MARCHF1: variants seen among roughly 807,000 people sequenced by gnomAD.
MARCHF1 encodes E3 ubiquitin-protein ligase MARCHF1.
Under a neutral mutation model 54.2 loss-of-function variants are expected in MARCHF1, and 40 were observed. The ratio of observed to expected loss-of-function variants is 0.74; its 90% confidence interval spans 0.57 to 0.96. MARCHF1 has a LOEUF of 0.96. Ranked by LOEUF, MARCHF1 falls within the 40% of genes least tolerant of loss-of-function variation. The probability of loss-of-function intolerance (pLI) is 0.00; values close to 1 mark genes in which losing one functional copy is unlikely to be tolerated. For missense variants in MARCHF1, 586 were observed against 656.5 expected (o/e 0.89, Z 1.17); for synonymous variants, 236 against 236.3 (o/e 1.00, Z 0.01).
intron 1 of MARCHF1, chr4:164,196,914 G>T (rs35028495): frequency 0.25 from 367,845 of 1,477,332 alleles, 49,012 homozygotes; most frequent in Non-Finnish European, 0.28. Context: ...GGAGGGGGGA[G>T]GGGATATGGG....
At chr4:163,921,355 C>T (rs999353779) in intron 3 of MARCHF1, among the ~76,000 whole-genome samples, 1 of 150,318 alleles carries the variant, frequency 6.7e-6, no homozygotes, top group Non-Finnish European at 1.5e-5. Flanking sequence ...GAGCCTATGT[C>T]AGGAATCATT....
chr4:163,633,699 C>G (rs1469846620), intron 5 of MARCHF1, among the ~76,000 whole-genome samples: 1 of 152,106 alleles, frequency 6.6e-6, no homozygotes, highest in African/African-American at 2.4e-5. Context: ...AGAACTTCCC[C>G]AATCTAGCAA....
At chr4:164,141,393 C>A (rs2110860701) in intron 1 of MARCHF1, among the ~76,000 whole-genome samples, 2 of 152,304 alleles carry the variant, frequency 1.3e-5, no homozygotes, top group Middle Eastern at 6.8e-3. Flanking sequence ...CTTTAGACAA[C>A]TACTTACAAA....
chr4:164,098,020 C>T (rs1337689014), intron 2 of MARCHF1, among the ~76,000 whole-genome samples: 1 of 152,122 alleles, frequency 6.6e-6, no homozygotes, highest in Non-Finnish European at 1.5e-5. Context: ...TGATTATGGG[C>T]ACTAGCTTCT....
At chr4:164,050,793 C>G (rs7693531) in intron 2 of MARCHF1, among the ~76,000 whole-genome samples, 1 of 151,850 alleles carries the variant, frequency 6.6e-6, no homozygotes, top group Non-Finnish European at 1.5e-5. Flanking sequence ...ATTAGACGGG[C>G]GTGGTGGTGC....
At chr4:164,177,806 G>GAGACACAC (rs148681185) in intron 1 of MARCHF1, among the ~76,000 whole-genome samples, 3,388 of 149,262 alleles carry the variant, frequency 0.023, 67 homozygotes, top group African/African-American at 0.053. Flanking sequence ...GTATGAAAGA[G>GAGACACAC]ACACACACAC....
chr4:163,777,422 G>A (rs1037583189), intron 4 of MARCHF1, among the ~76,000 whole-genome samples: 1 of 152,060 alleles, frequency 6.6e-6, no homozygotes, highest in African/African-American at 2.4e-5. Context: ...TGTGACTTTT[G>A]CAGATATTTT....
Position 163,612,500 on chromosome 4 carries a change from G to T in MARCHF1, c.781C>A (p.His261Asn). 6.5e-7 allele frequency: 1 copy of T among 1,535,150 alleles called. No individual in the cohort carries two copies. Among genetic ancestry groups the T allele is most frequent in the Non-Finnish European group, 8.7e-7 (1 of 1,146,444 alleles). The change falls in exon 7 of 10, where the codon CAT becomes AAT. Residue 261 changes from histidine (H) to asparagine (N), a missense_variant. His to Asn is a moderately conservative substitution (Grantham distance 68). Coordinates refer to ENST00000514618, the MANE Select transcript of MARCHF1 (RefSeq NM_001394959.1). ...TGATATCTGCCTTTGCTCTTCTCAT[G>T]ATTCCTTGAGGATCTCTTAATTTCA... Reference protein sequence around the residue: ...SSEIKRSSRNHEKSKGRYHHR... With the variant: ...SSEIKRSSRNNEKSKGRYHHR...
intron 8 of MARCHF1, among the ~76,000 whole-genome samples, chr4:163,577,499 A>AGAG (rs1470177945): frequency 7.9e-5 from 12 of 151,976 alleles, no homozygotes; most frequent in Admixed American, 6.6e-5. Flanking sequence ...CTTTTTCTCT[A>AGAG]GCTGCCTTTA....
rs143296797 is a variant in MARCHF1 at position 163,676,346 on chromosome 4, A to T, written c.162+24467T>A. 5.3e-3 allele frequency among the ~76,000 whole-genome samples: 794 copies of T among 150,610 alleles called. 6 individuals are homozygous for T. The highest frequency in any genetic ancestry group is 0.019 in the African/African-American group (763 of 40,308). The stretch of plus-strand genomic sequence containing the variant: ...CACTCCAGCCTGGGCAACAAGAGCA[A>T]AACTCTGTCTCAAAAAAAAAAAAAA... On this transcript the variant is annotated intron_variant, in intron 5 of 9. Transcript: ENST00000514618.
intron 4 of MARCHF1, among the ~76,000 whole-genome samples, chr4:163,756,686 A>G (rs2320903): frequency 0.046 from 6,932 of 151,116 alleles, 410 homozygotes; most frequent in African/African-American, 0.13. Flanking sequence ...GAGCAGGAGA[A>G]AAACAATATT....
chr4:163,567,898 T>C (rs942715597), intron 8 of MARCHF1, among the ~76,000 whole-genome samples: 2 of 152,116 alleles, frequency 1.3e-5, no homozygotes, highest in African/African-American at 4.8e-5. Context: ...CATCTAGAAT[T>C]TCACTGTATG....
At chr4:163,698,984 A>G (rs187661745) in intron 5 of MARCHF1, among the ~76,000 whole-genome samples, 3 of 152,292 alleles carry the variant, frequency 2.0e-5, no homozygotes, top group Admixed American at 2.0e-4. Context: ...TGATATTATC[A>G]TCATCCTTAT....
At chr4:163,736,026 T>C (rs1301194019) in intron 4 of MARCHF1, among the ~76,000 whole-genome samples, 1 of 152,124 alleles carries the variant, frequency 6.6e-6, no homozygotes, top group Non-Finnish European at 1.5e-5. Context: ...ACAGTAATAA[T>C]AAAATAGAAC....
At chr4:163,929,848 T>C (rs1454714978) in intron 3 of MARCHF1, among the ~76,000 whole-genome samples, 1 of 147,098 alleles carries the variant, frequency 6.8e-6, no homozygotes, top group Non-Finnish European at 1.5e-5. Flanking sequence ...GGTAATATAA[T>C]ATATTGTTTA....
chr4:163,860,217 T>G (rs905221969), intron 3 of MARCHF1, among the ~76,000 whole-genome samples: 2 of 152,134 alleles, frequency 1.3e-5, no homozygotes, highest in Non-Finnish European at 2.9e-5. Flanking sequence ...GGGTAGAAAT[T>G]CTTAAGCTGT....
intron 1 of MARCHF1, among the ~76,000 whole-genome samples, chr4:164,296,988 C>G (rs1337432149): frequency 6.6e-6 from 1 of 152,192 alleles, no homozygotes; most frequent in African/African-American, 2.4e-5. Context: ...TGCCCTTGCT[C>G]TGTGTGACAA....
chr4:164,101,130 T>C (rs1183448350), intron 2 of MARCHF1, among the ~76,000 whole-genome samples: 1 of 152,214 alleles, frequency 6.6e-6, no homozygotes, highest in East Asian at 1.9e-4. Context: ...GGAGTCTTGC[T>C]GATTGCTAGC....
chr4:164,136,215 G>A (rs1756398762), intron 1 of MARCHF1, among the ~76,000 whole-genome samples: 1 of 145,340 alleles, frequency 6.9e-6, no homozygotes, highest in African/African-American at 2.5e-5. Flanking sequence ...CACAGCAAGA[G>A]TGCCTTTGTA....
Sources: allele counts gnomAD v4.1 joint callset (sites outside exome capture counted in the v4.1 genomes callset), GRCh38; gene constraint gnomAD v4.1.1; transcripts MANE v1.5; gene names NCBI Gene and HGNC (gene_info 2026-07-23, HGNC 2026-07-21).